Variants in TERF2 observed in about 807,000 individuals in gnomAD.
TERF2 encodes the protein telomeric repeat binding factor 2.
A neutral mutation model predicts 56.1 loss-of-function variants in TERF2; 16 were observed. The observed-to-expected ratio is 0.29, with a 90% CI of 0.19 to 0.43. The LOEUF is 0.43. Among genes scored for constraint, TERF2 ranks in the 20% least tolerant of loss-of-function variants. TERF2 has a pLI of 1.00. For synonymous variants in TERF2, 296 were observed against 282.1 expected (o/e 1.05, Z -0.50); for missense variants, 547 against 712.9 (o/e 0.77, Z 2.65).
intron 7 of TERF2, among the ~76,000 whole-genome samples, chr16:69,363,492 G>C (rs909222873): frequency 2.0e-5 from 3 of 152,150 alleles, no homozygotes; most frequent in Non-Finnish European, 4.4e-5. Context: ...AACTGTAATG[G>C]GCTGAGTGGT....
intron 7 of TERF2, chr16:69,366,215 A>G (rs1027566115): frequency 1.3e-5 from 2 of 152,518 alleles, no homozygotes; most frequent in Non-Finnish European, 2.9e-5. Context: ...AACATGTTCC[A>G]GAGAGCAAGC....
chr16:69,377,669 C>T (rs995260086), intron 3 of TERF2, among the ~76,000 whole-genome samples: 4 of 152,120 alleles, frequency 2.6e-5, no homozygotes, highest in African/African-American at 4.8e-5. Context: ...TAGACTTACA[C>T]GTATTTCTTT....
At chr16:69,373,218 C>T (rs1014320687) in intron 3 of TERF2, among the ~76,000 whole-genome samples, 1 of 152,044 alleles carries the variant, frequency 6.6e-6, no homozygotes, top group Non-Finnish European at 1.5e-5. Context: ...TAGGGAACTA[C>T]TGAAGCCAAC....
At position 69,356,926 on chromosome 16, in the gene TERF2, C is replaced by T. The variant is rs747399944; in HGVS notation, c.1601G>A (p.Arg534Gln). The T allele has an allele frequency of 2.5e-6, 4 of 1,613,386 alleles. No homozygotes were observed. The highest frequency in any genetic ancestry group is 2.2e-5 in the East Asian group (1 of 44,862). The change falls in exon 10 of 10, where the codon CGG becomes CAG. Residue 534 changes from arginine to glutamine, a missense_variant. By Grantham distance (43) the Arg-to-Gln change is conservative. Transcript: ENST00000254942. ...RTAVMIKDRWRTMKRLGMN is the reference protein window; with the variant it reads ...RTAVMIKDRWQTMKRLGMN Reference sequence around the variant, plus strand: ...GTTCATGCCAAGTCTTTTCATGGTCCGCCAGCGATCCTTAATCATCACAGC... The same window carrying T: ...GTTCATGCCAAGTCTTTTCATGGTCTGCCAGCGATCCTTAATCATCACAGC...
At chr16:69,360,845 T>C (rs749389856) in intron 8 of TERF2, among the ~76,000 whole-genome samples, 2 of 151,636 alleles carry the variant, frequency 1.3e-5, no homozygotes, top group Non-Finnish European at 2.9e-5. Flanking sequence ...TATAATTAAA[T>C]ATCATAGGCG....
chr16:69,366,902 G>A lies in TERF2; in HGVS notation c.1245C>T (p.Pro415=), dbSNP rs747557065. Reference sequence around the variant, plus strand: ...CCTGGGAGGAGTTGAGGCCTGCGCTGGGCTCAGTACTCTGGCTGTCCTCCT... The same window carrying A: ...CCTGGGAGGAGTTGAGGCCTGCGCTAGGCTCAGTACTCTGGCTGTCCTCCT... ...VLEEDSQSTE[P]SAGLNSSQEA... Residue 415 remains proline (P), a synonymous_variant, in exon 7 of 10, where the codon CCC becomes CCT. Transcript: ENST00000254942. The A allele has an allele frequency of 1.2e-6, 2 of 1,614,188 alleles. No individual in the cohort carries two copies. Among genetic ancestry groups the A allele is most frequent in the Non-Finnish European group, 1.7e-6 (2 of 1,180,030 alleles).
In TERF2 at chr16:69,368,429, T is replaced by G; in HGVS notation, c.894A>C (p.Glu298Asp). 1.2e-6 allele frequency: 2 copies of G among 1,614,204 alleles called. No individual in the cohort carries two copies. The highest frequency in any genetic ancestry group is 1.7e-6 in the Non-Finnish European group (2 of 1,180,040). ...CAGGCCCTGGTGCTGGCTGTTTATC[T>G]TCCTTCCCTGTACTTGAGGCAGCGG... ...SESAASSTGK[E>D]DKQPAPGPVE... The change falls in exon 6 of 10, where the codon GAA (glutamate) becomes GAC (aspartate). Residue 298 changes from glutamate (E) to aspartate (D), a missense_variant. By Grantham distance (45) the Glu-to-Asp change is conservative. Transcript: ENST00000254942.
At chr16:69,382,628 T>C (rs1193513710) in intron 3 of TERF2, among the ~76,000 whole-genome samples, 1 of 152,212 alleles carries the variant, frequency 6.6e-6, no homozygotes, top group Non-Finnish European at 1.5e-5. Context: ...TTGCATGATT[T>C]GCTGTAGGAA....
chr16:69,360,910 C>G (rs949759060), intron 8 of TERF2, among the ~76,000 whole-genome samples: 1 of 152,056 alleles, frequency 6.6e-6, no homozygotes, highest in Admixed American at 6.6e-5. Flanking sequence ...CTCTGACAGT[C>G]TCCATTATTT....
intron 7 of TERF2, among the ~76,000 whole-genome samples, chr16:69,364,021 AACAG>A (rs1207009516): frequency 1.3e-5 from 2 of 152,144 alleles, no homozygotes; most frequent in Non-Finnish European, 2.9e-5. Flanking sequence ...AAGAATATGG[AACAG>A]ACAGACAACT....
chr16:69,357,689 A>AT, intron 8 of TERF2, 128 bp from the exon 9 acceptor site: 1 of 1,073,858 alleles, frequency 9.3e-7, no homozygotes, highest in African/African-American at 1.6e-5. Context: ...AAGAGAAAGG[A>AT]TATCACTAAA....
rs577086770 is a variant in TERF2 at position 69,377,217 on chromosome 16, G to C, written c.607-4862C>G. Among the ~76,000 whole-genome samples, 8 of 148,924 alleles carry C rather than the reference G, an allele frequency of 5.4e-5. No individual in the cohort carries two copies. The East Asian group carries it at 1.6e-3, about 30-fold the overall frequency. ...GACTCCATCTCAAAAAAAAAAAAAA[G>C]AAAAAATCCTGTTGAGATTGTGACT... On this transcript the variant is annotated intron_variant, in intron 3 of 9. Coordinates refer to ENST00000254942, the MANE Select transcript of TERF2 (RefSeq NM_005652.5).
intron 8 of TERF2, among the ~76,000 whole-genome samples, chr16:69,359,334 T>G (rs561518856): frequency 4.6e-5 from 7 of 152,112 alleles, no homozygotes; most frequent in African/African-American, 1.7e-4. Flanking sequence ...TCGAGACTAG[T>G]CTGGACAACA....
Position 69,361,410 on chromosome 16 carries a change from C to A in TERF2, c.1420G>T (p.Val474Phe). ...TWVEEDELFQ[V>F]QAAPDEDSTT... Reference sequence around the variant, plus strand: ...AGGAGAATCTTCTGCTTACCCTGAACTTGAAACAGTTCATCCTCTTCCACC... The same window carrying A: ...AGGAGAATCTTCTGCTTACCCTGAAATTGAAACAGTTCATCCTCTTCCACC... The change falls in exon 8 of 10, where the codon GTT (valine) becomes TTT (phenylalanine). Residue 474 changes from valine (V) to phenylalanine (F), a missense_variant. This residue lies in a region of TERF2 where 211 missense variants were observed against 236.8 expected (regional missense o/e 0.89). Transcript: ENST00000254942. The A allele has an allele frequency of 6.2e-7, 1 of 1,612,928 alleles. No homozygotes were observed. The highest frequency in any genetic ancestry group is 8.5e-7 in the Non-Finnish European group (1 of 1,178,904).
intron 3 of TERF2, among the ~76,000 whole-genome samples, chr16:69,374,066 T>A (rs2013676908): frequency 6.6e-6 from 1 of 152,186 alleles, no homozygotes; most frequent in African/African-American, 2.4e-5. Flanking sequence ...ACAAAGTAAG[T>A]CTTCATTTTA....
chr16:69,376,541 G>A (rs1261580486), intron 3 of TERF2, among the ~76,000 whole-genome samples: 1 of 151,984 alleles, frequency 6.6e-6, no homozygotes, highest in Non-Finnish European at 1.5e-5. Flanking sequence ...TAGCCAGTCT[G>A]TATCTATAGA....
chr16:69,363,376 A>T (rs1471978767), intron 7 of TERF2, among the ~76,000 whole-genome samples: 1 of 152,068 alleles, frequency 6.6e-6, no homozygotes, highest in Non-Finnish European at 1.5e-5. Flanking sequence ...CTGTACAAAT[A>T]CATGCTTTGG....
At chr16:69,383,013 A>G (rs1443177813) in intron 3 of TERF2, among the ~76,000 whole-genome samples, 1 of 152,180 alleles carries the variant, frequency 6.6e-6, no homozygotes, top group Admixed American at 6.5e-5. Context: ...GATTTTTCTA[A>G]TAGATTTTTC....
At chr16:69,366,172 A>T (rs879625131) in intron 7 of TERF2, 1 of 152,340 alleles carries the variant, frequency 6.6e-6, no homozygotes, top group Non-Finnish European at 1.5e-5. Flanking sequence ...GTGGGGAATG[A>T]GAGGAAGCAA....
Sources: allele counts gnomAD v4.1 joint callset (sites outside exome capture counted in the v4.1 genomes callset), GRCh38; gene constraint gnomAD v4.1.1; regional missense constraint gnomAD v4.1.1; transcripts MANE v1.5; gene names NCBI Gene and HGNC (gene_info 2026-07-23, HGNC 2026-07-21).